Variants in DGKG observed in about 807,000 individuals in gnomAD.
DGKG encodes DAG kinase gamma.
DGKG carries 78 observed loss-of-function variants against 105.3 expected under a neutral mutation model. That is an observed-to-expected ratio of 0.74 (90% CI 0.62 to 0.89). DGKG has a LOEUF of 0.89. Ranked by LOEUF, DGKG falls within the 40% of genes least tolerant of loss-of-function variation. DGKG has a pLI of 0.00. For missense variants in DGKG, 958 were observed against 1,020.1 expected (o/e 0.94, Z 0.83); for synonymous variants, 346 against 367.1 (o/e 0.94, Z 0.66).
chr3:186,227,245 C>G (rs1481620283), intron 20 of DGKG, among the ~76,000 whole-genome samples: 1 of 152,128 alleles, frequency 6.6e-6, no homozygotes, highest in Non-Finnish European at 1.5e-5. Flanking sequence ...CTTACAAATC[C>G]CTGTAGTAAT....
intron 21 of DGKG, among the ~76,000 whole-genome samples, chr3:186,206,765 T>C (rs1405325950): frequency 2.6e-5 from 4 of 151,970 alleles, no homozygotes; most frequent in African/African-American, 9.7e-5. Context: ...TTTTTGTTTT[T>C]TTTGAGAGAG....
intron 1 of DGKG, among the ~76,000 whole-genome samples, chr3:186,350,927 A>G (rs1391133981): frequency 6.8e-6 from 1 of 146,390 alleles, no homozygotes; most frequent in Non-Finnish European, 1.5e-5. Context: ...TTCTTTATCA[A>G]TTTTTGAATT....
chr3:186,327,350 T>TCTCCTC lies in DGKG; in HGVS notation c.-248-6649_-248-6644dup, dbSNP rs529028348. Among the ~76,000 whole-genome samples the TCTCCTC allele has an allele frequency of 9.8e-4, 147 of 150,162 alleles. 1 individual carries two copies. The highest frequency in any genetic ancestry group is 3.3e-3 in the African/African-American group (133 of 40,802). On this transcript the variant is annotated intron_variant, in intron 1 of 24. Transcript: ENST00000265022. ...TCTTATTTCCCCCTTTCCTCCTCCT[T>TCTCCTC]CTCCTCCTCCTCCTCCTCCTCCTTA... is the stretch of plus-strand genomic sequence containing the variant.
rs760270135 is a variant in DGKG, at chr3:186,261,695, G to A, written c.1349+4C>T. The A allele has an allele frequency of 1.3e-5, 21 of 1,589,952 alleles. No homozygotes were observed. Among genetic ancestry groups the A allele is most frequent in the East Asian group, 1.1e-4 (5 of 44,212 alleles). On this transcript the variant is annotated splice_donor_region_variant and intron_variant, in intron 15 of 24. Transcript: ENST00000265022. ...GCTCCACTTTGAAACAGAAGAGAAC[G>A]TACCTTTCTCCTTGTCTCCCTCCAC...
At chr3:186,160,192 G>C in intron 24 of DGKG, 1 of 985,400 alleles carries the variant, frequency 1.0e-6, no homozygotes, top group Non-Finnish European at 1.2e-6. Flanking sequence ...AATCTCTAAA[G>C]GGTGGTATGG....
chr3:186,235,364 C>T (rs1720366599), intron 20 of DGKG, among the ~76,000 whole-genome samples: 1 of 152,178 alleles, frequency 6.6e-6, no homozygotes, highest in Non-Finnish European at 1.5e-5. Context: ...ACAGTCTGGA[C>T]CTCTGGCTAC....
At chr3:186,273,739 C>T (rs1460260730) in intron 10 of DGKG, among the ~76,000 whole-genome samples, 6 of 152,236 alleles carry the variant, frequency 3.9e-5, no homozygotes, top group South Asian at 4.1e-4. Flanking sequence ...TCTGCCAAGG[C>T]GACTTCTGTG....
chr3:186,149,418 CAGG>C lies in DGKG; in HGVS notation c.*669_*671del. The C allele has an allele frequency of 4.1e-6, 4 of 985,416 alleles. No homozygotes were observed. Among genetic ancestry groups the C allele is most frequent in the Non-Finnish European group, 4.8e-6 (4 of 829,960 alleles). The allele number at this position is 985,416 out of a possible 1,614,324, so 61.0% of individuals were successfully genotyped here. ...CGCCTCTAAGCAAACATGTAGACAC[CAGG>C]AGAAGGTTCCTGGAAAATAACAAGT... On this transcript the variant is annotated 3_prime_UTR_variant, in exon 25 of 25. Coordinates refer to ENST00000265022, the MANE Select transcript of DGKG (RefSeq NM_001346.3).
chr3:186,338,185 A>T (rs115627850), intron 1 of DGKG, among the ~76,000 whole-genome samples: 2 of 151,366 alleles, frequency 1.3e-5, no homozygotes, highest in African/African-American at 4.9e-5. Context: ...AAAAAAAAAA[A>T]AAAGAAAGAA....
intron 3 of DGKG, among the ~76,000 whole-genome samples, chr3:186,302,243 T>G (rs1723953678): frequency 6.6e-6 from 1 of 151,908 alleles, no homozygotes; most frequent in South Asian, 2.1e-4. Flanking sequence ...CTTTCATCTT[T>G]GAATCCCCCA....
At chr3:186,175,958 A>G (rs1717058064) in intron 22 of DGKG, among the ~76,000 whole-genome samples, 1 of 152,212 alleles carries the variant, frequency 6.6e-6, no homozygotes, top group African/African-American at 2.4e-5. Context: ...GCCTAATATC[A>G]GATAGCTGGC....
rs576304850 is a variant in DGKG at position 186,231,763 on chromosome 3, A to G, written c.1826+10741T>C. On this transcript the variant is annotated intron_variant, in intron 20 of 24. Transcript: ENST00000265022. The surrounding 1 kb of genome is among the most constrained non-coding windows in gnomAD (Gnocchi z 4.5). Reference sequence around the variant, plus strand: ...GTGAAACCCGCTCTCTACTAAAAATACAAAAAAATTAGCTGGGCATGGTGG... The same window carrying G: ...GTGAAACCCGCTCTCTACTAAAAATGCAAAAAAATTAGCTGGGCATGGTGG... Among the ~76,000 whole-genome samples, 1 of 152,216 alleles carries G rather than the reference A, an allele frequency of 6.6e-6. No homozygotes were observed. Among genetic ancestry groups the G allele is most frequent in the Admixed American group, 6.5e-5 (1 of 15,274 alleles).
At chr3:186,345,856 G>A (rs1244911705) in intron 1 of DGKG, among the ~76,000 whole-genome samples, 8 of 152,110 alleles carry the variant, frequency 5.3e-5, no homozygotes, top group South Asian at 2.1e-4. Context: ...TGCAACCTCC[G>A]CCTCATGAGT....
intron 5 of DGKG, among the ~76,000 whole-genome samples, chr3:186,292,972 T>C (rs1336884885): frequency 3.9e-5 from 6 of 152,184 alleles, no homozygotes. Context: ...TAAAAACACA[T>C]TTTTTAGAGC....
chr3:186,348,355 A>G (rs190559799), intron 1 of DGKG, among the ~76,000 whole-genome samples: 138 of 130,080 alleles, frequency 1.1e-3, no homozygotes, highest in African/African-American at 3.9e-3. Context: ...TTAGTGGCCT[A>G]CTTGCTGGGT....
chr3:186,168,822 C>G (rs1199658751), intron 22 of DGKG, among the ~76,000 whole-genome samples: 2 of 152,136 alleles, frequency 1.3e-5, no homozygotes, highest in African/African-American at 4.8e-5. Flanking sequence ...TGCACTCCAG[C>G]CTGGGTGACA....
At chr3:186,356,505 A>G (rs1247233105) in intron 1 of DGKG, among the ~76,000 whole-genome samples, 1 of 152,206 alleles carries the variant, frequency 6.6e-6, no homozygotes, top group Non-Finnish European at 1.5e-5. Flanking sequence ...TTCAGTTGAT[A>G]TTAAGCTCAA....
In DGKG at chr3:186,284,989, CAGCGTCACTAGAACACAACCTAA is replaced by C. The variant is rs1422941968; in HGVS notation, c.545-303_545-281del. Reference sequence around the variant, plus strand: ...TTCCCTGGGGAGCATGAACACATTTCAGCGTCACTAGAACACAACCTAAAGCAAATGCCCAGCTGGGGGTGGGG... The same window carrying C: ...TTCCCTGGGGAGCATGAACACATTTCAGCAAATGCCCAGCTGGGGGTGGGG... On this transcript the variant is annotated intron_variant, in intron 6 of 24. Coordinates refer to ENST00000265022, the MANE Select transcript of DGKG (RefSeq NM_001346.3). This position sits in a 1 kb window ranked among gnomAD's most constrained non-coding sequence, Gnocchi z 4.0. Among the ~76,000 whole-genome samples the C allele has an allele frequency of 2.0e-5, 3 of 152,226 alleles. No homozygotes were observed.
At chr3:186,178,043 T>C (rs1169862827) in intron 22 of DGKG, among the ~76,000 whole-genome samples, 1 of 152,050 alleles carries the variant, frequency 6.6e-6, no homozygotes, top group African/African-American at 2.4e-5. Context: ...AGAGAGATGA[T>C]CTCTCCACAT....
Sources: allele counts gnomAD v4.1 joint callset (sites outside exome capture counted in the v4.1 genomes callset), GRCh38; gene constraint gnomAD v4.1.1; non-coding constraint Gnocchi (gnomAD v3.1); transcripts MANE v1.5; gene names NCBI Gene and HGNC (gene_info 2026-07-23, HGNC 2026-07-21).